The following MASP2 variants were observed in gnomAD, a reference collection of about 807,000 sequenced individuals.
The protein encoded by MASP2 is MBL associated serine protease 2, also known as mannan-binding lectin serine protease 2.
In MASP2, 49 loss-of-function variants were observed where a neutral mutation model predicts 57.1. That is an observed-to-expected ratio of 0.86 (90% CI 0.68 to 1.09). MASP2 has a LOEUF of 1.09. MASP2 is among the 50% of genes least tolerant of loss of function. The pLI, the probability that MASP2 is intolerant of heterozygous loss-of-function variation, is 0.00. For synonymous variants in MASP2, 379 were observed against 340.8 expected (o/e 1.11, Z -1.24); for missense variants, 900 against 874.8 (o/e 1.03, Z -0.36).
rs748156476 is a variant in MASP2 at position 11,030,243 on chromosome 1, A to G, written c.1230T>C (p.Tyr410=). 8 of 1,612,670 alleles carry G rather than the reference A, an allele frequency of 5.0e-6. No individual in the cohort carries two copies. The highest frequency in any genetic ancestry group is 6.8e-6 in the Non-Finnish European group (8 of 1,179,484). The change falls in exon 10 of 11, where the codon TAT becomes TAC. Residue 410 remains tyrosine, a synonymous_variant. Transcript: ENST00000400897. ...FYTMKVNDGK[Y]VCEADGFWTS... is the part of the protein sequence containing the mutation. ...TCCAGAATCCATCAGCCTCACACAC[A>G]TATTTACCTGCAAATCATTGGAAAA...
chr1:11,038,761 G>A (rs1638327610), intron 6 of MASP2, among the ~76,000 whole-genome samples: 2 of 152,334 alleles, frequency 1.3e-5, no homozygotes, highest in South Asian at 4.1e-4. Flanking sequence ...GAGGCCCAGG[G>A]CTTCTAGCAC....
intron 3 of MASP2, 116 bp from the exon 4 acceptor site, chr1:11,045,655 G>T: frequency 8.1e-7 from 1 of 1,229,580 alleles, no homozygotes; most frequent in Non-Finnish European, 1.1e-6. Context: ...GCCTCGTCCT[G>T]TCTAGGGTGC....
At chr1:11,041,599 G>GTGGATGGATGGA (rs555313272) in intron 6 of MASP2, among the ~76,000 whole-genome samples, 9 of 117,474 alleles carry the variant, frequency 7.7e-5, no homozygotes, top group East Asian at 3.0e-4. Flanking sequence ...TGGATGGATG[G>GTGGATGGATGGA]TGGATGGATG....
chr1:11,039,695 G>A (rs576777188), intron 6 of MASP2, among the ~76,000 whole-genome samples: 1 of 151,984 alleles, frequency 6.6e-6, no homozygotes, highest in South Asian at 2.1e-4. Flanking sequence ...AGGATTGGTA[G>A]GTAGAAGGAT....
In MASP2 at chr1:11,042,825, G is replaced by A. The variant is rs753470968; in HGVS notation, c.889+50C>T. ...TCTACAGCTCCTTGACACTCCAGGA[G>A]AGAGGGCAGCTCTGCGCTTCCAGCC... On this transcript the variant is annotated intron_variant, in intron 6 of 10. Transcript: ENST00000400897. 1.0e-5 allele frequency: 16 copies of A among 1,602,886 alleles called. No homozygotes were observed. The South Asian group carries it at 1.3e-4, about 13-fold the overall frequency.
rs762222075 is a variant in MASP2 at position 11,043,007 on chromosome 1, CTCTG to C, written c.753_756del (p.Asp251GlufsTer23). ...TTCCCACAGAATGGGCCATGTTCTT[CTCTG>C]TCTGTTTGAATCTGAGAAAGAAGCT... is the stretch of plus-strand genomic sequence containing the variant. On this transcript the variant is annotated frameshift_variant, in exon 6 of 11. Coordinates refer to ENST00000400897, the MANE Select transcript of MASP2 (RefSeq NM_006610.4). LOFTEE classifies it high-confidence loss of function. 3.7e-6 allele frequency: 6 copies of C among 1,613,906 alleles called. No individual in the cohort carries two copies. Among genetic ancestry groups the C allele is most frequent in the Middle Eastern group, 1.7e-4 (1 of 6,056 alleles).
intron 8 of MASP2, among the ~76,000 whole-genome samples, chr1:11,034,095 G>A (rs926572232): frequency 1.3e-5 from 2 of 151,360 alleles, no homozygotes; most frequent in African/African-American, 2.4e-5. Context: ...AAAATTAGCC[G>A]GGTGTAGTGA....
chr1:11,043,546 G>C lies in MASP2; in HGVS notation c.545-11C>G. The C allele has an allele frequency of 6.3e-7, 1 of 1,582,218 alleles. No individual in the cohort carries two copies. The highest frequency in any genetic ancestry group is 8.6e-7 in the Non-Finnish European group (1 of 1,164,182). On this transcript the variant is annotated splice_polypyrimidine_tract_variant and intron_variant, in intron 4 of 10. Coordinates refer to ENST00000400897, the MANE Select transcript of MASP2 (RefSeq NM_006610.4). ...GGCCGGAGCACAGGGCTGGAAGGAG[G>C]GAAGGCAGGGGAGTGACTTGGCGTG...
At chr1:11,042,845 C>G (rs376186275) in intron 6 of MASP2, 30 bp downstream of exon 6, 4 of 1,611,344 alleles carry the variant, frequency 2.5e-6, no homozygotes, top group Non-Finnish European at 3.4e-6. Context: ...CTCTGCGCTT[C>G]CAGCCAAGAT....
At chr1:11,035,649 C>T (rs1459444008) in intron 7 of MASP2, among the ~76,000 whole-genome samples, 1 of 152,056 alleles carries the variant, frequency 6.6e-6, no homozygotes, top group African/African-American at 2.4e-5. Context: ...AATCCCAGCA[C>T]ATTGGGAGGC....
chr1:11,028,706 CTTTTTTTTT>C (rs1184236433), intron 10 of MASP2, among the ~76,000 whole-genome samples: 1 of 12,066 alleles, frequency 8.3e-5, no homozygotes, highest in Non-Finnish European at 2.3e-4. Flanking sequence ...GGTTTTTTTT[CTTTTTTTTT>C]TTTTTTTTTT....
rs149800848 is a variant in MASP2, at chr1:11,042,936, G to A, written c.828C>T (p.Ile276=). 2.5e-6 allele frequency: 4 copies of A among 1,613,984 alleles called. No homozygotes were observed. In the Admixed American group the frequency reaches 6.7e-5, roughly 27 times the overall value. Residue 276 remains isoleucine, a synonymous_variant, in exon 6 of 11, where the codon ATC becomes ATT. Transcript: ENST00000400897. The part of the protein sequence containing the change: ...RIETKSNTVT[I]TFVTDESGDH... ...CTCCTGATTCATCTGTGACAAAGGT[G>A]ATGGTCACCGTGTTGCTTTTTGTTT... is the stretch of plus-strand genomic sequence containing the variant.
intron 7 of MASP2, among the ~76,000 whole-genome samples, chr1:11,035,463 G>T (rs1000615044): frequency 7.9e-5 from 12 of 152,052 alleles, no homozygotes; most frequent in Non-Finnish European, 1.6e-4. Flanking sequence ...TGAGGCGGGG[G>T]TTGCAGTGAG....
chr1:11,033,666 AATATTGTC>A (rs751776252), intron 8 of MASP2, among the ~76,000 whole-genome samples: 1 of 150,942 alleles, frequency 6.6e-6, no homozygotes, highest in Non-Finnish European at 1.5e-5. Context: ...AAAAGAAAAA[AATATTGTC>A]AAAGAACACA....
At chr1:11,040,936 TG>T (rs1029403778) in intron 6 of MASP2, among the ~76,000 whole-genome samples, 1 of 147,764 alleles carries the variant, frequency 6.8e-6, no homozygotes, top group Non-Finnish European at 1.5e-5. Context: ...GAAGGATGGG[TG>T]GGTAGATAGA....
At chr1:11,036,360 C>T (rs975618376) in intron 7 of MASP2, among the ~76,000 whole-genome samples, 19 of 149,492 alleles carry the variant, frequency 1.3e-4, no homozygotes, top group South Asian at 2.1e-4. Context: ...AAAAATTAGC[C>T]GGGCGCGGTG....
At position 11,045,016 on chromosome 1, in the gene MASP2, C is replaced by T. The variant is rs1040461106; in HGVS notation, c.544+392G>A. On this transcript the variant is annotated intron_variant, in intron 4 of 10. Transcript: ENST00000400897. ...GAGGGAGAAACCGAGTCGGGGGAGG[C>T]AGGGTCAGCGCCAGCAGGTGGGGCT... 3.9e-6 allele frequency: 6 copies of T among 1,526,678 alleles called. No individual in the cohort carries two copies. The African/African-American group carries it at 8.2e-5, about 21-fold the overall frequency. 94.6% of individuals were successfully genotyped at this position (1,526,678 alleles called of 1,614,324 possible).
chr1:11,036,503 T>C (rs1353870593), intron 7 of MASP2, among the ~76,000 whole-genome samples: 5 of 80,208 alleles, frequency 6.2e-5, no homozygotes, highest in African/African-American at 1.9e-4. Context: ...AGAGCGAGAC[T>C]CCGTCTCAAA....
chr1:11,028,862 C>T (rs866859322), intron 10 of MASP2, among the ~76,000 whole-genome samples: 26 of 145,780 alleles, frequency 1.8e-4, no homozygotes, highest in South Asian at 2.2e-4. Context: ...TACAGGCACA[C>T]GCCACCACAC....
Sources: allele counts gnomAD v4.1 joint callset (sites outside exome capture counted in the v4.1 genomes callset), GRCh38; gene constraint gnomAD v4.1.1; transcripts MANE v1.5; gene names NCBI Gene and HGNC (gene_info 2026-07-23, HGNC 2026-07-21).